NPAS3: variants seen among roughly 807,000 people sequenced by gnomAD.
NPAS3 encodes neuronal PAS domain protein 3, also known as neuronal PAS domain-containing protein 3.
Under a neutral mutation model 73.1 loss-of-function variants are expected in NPAS3, and 14 were observed. The observed-to-expected ratio is 0.19, with a 90% CI of 0.13 to 0.30. The LOEUF (loss-of-function observed/expected upper bound fraction) is 0.30. Ranked by LOEUF, NPAS3 falls within the 10% of genes least tolerant of loss-of-function variation. The pLI is 1.00. For synonymous variants in NPAS3, 620 were observed against 541.5 expected, an observed-to-expected ratio of 1.14 and a Z score of -2.01; for missense variants, 1,096 against 1,250.0, an observed-to-expected ratio of 0.88 and a Z score of 1.86.
At chr14:33,347,503 A>C (rs192064064) in intron 3 of NPAS3, among the ~76,000 whole-genome samples, 1 of 152,264 alleles carries the variant, frequency 6.6e-6, no homozygotes, top group Non-Finnish European at 1.5e-5. Flanking sequence ...TTTTCCAACT[A>C]TTCATTGCCG....
chr14:33,517,774 C>T (rs1368143488), intron 4 of NPAS3, among the ~76,000 whole-genome samples: 1 of 152,092 alleles, frequency 6.6e-6, no homozygotes, highest in Non-Finnish European at 1.5e-5. Flanking sequence ...CATCTAGTTC[C>T]CGCCCCCAGG....
rs550194868 is a variant in NPAS3 at position 33,471,358 on chromosome 14, A to G, written c.469-88763A>G. Reference sequence around the variant, plus strand: ...TTCAGTTACACCAAACTTTCTGACCAATAGATTGAAAGCAAGGTTTCCCTT... The same window carrying G: ...TTCAGTTACACCAAACTTTCTGACCGATAGATTGAAAGCAAGGTTTCCCTT... On this transcript the variant is annotated intron_variant, in intron 4 of 11. Coordinates refer to ENST00000356141, the Ensembl canonical transcript of NPAS3. Among the ~76,000 whole-genome samples, 14 of 152,308 alleles carry G rather than the reference A, an allele frequency of 9.2e-5. No individual in the cohort carries two copies. The South Asian group carries it at 2.9e-3, about 32-fold the overall frequency.
chr14:33,194,757 G>A (rs1359609549), intron 2 of NPAS3, among the ~76,000 whole-genome samples: 1 of 152,118 alleles, frequency 6.6e-6, no homozygotes, highest in African/African-American at 2.4e-5. Flanking sequence ...TCACTTGGTG[G>A]AATGTGGATG....
intron 7 of NPAS3, among the ~76,000 whole-genome samples, chr14:33,737,490 C>G (rs1470932843): frequency 1.3e-5 from 2 of 152,026 alleles, no homozygotes; most frequent in Non-Finnish European, 2.9e-5. Flanking sequence ...CCTGACATAC[C>G]CTGTCAGCAG....
chr14:33,661,964 A>G (rs2059321479), intron 5 of NPAS3, among the ~76,000 whole-genome samples: 1 of 152,182 alleles, frequency 6.6e-6, no homozygotes, highest in African/African-American at 2.4e-5. Context: ...GGTTTGGTAA[A>G]ACTGGAAGGT....
chr14:33,536,787 A>T (rs2054278459), intron 4 of NPAS3, among the ~76,000 whole-genome samples: 1 of 152,194 alleles, frequency 6.6e-6, no homozygotes, highest in South Asian at 2.1e-4. Flanking sequence ...AAGTTTTTCT[A>T]TGTTTACCAA....
intron 3 of NPAS3, among the ~76,000 whole-genome samples, chr14:33,330,428 G>T (rs1022536872): frequency 3.9e-5 from 6 of 152,260 alleles, no homozygotes; most frequent in African/African-American, 1.4e-4. Context: ...TTACAGAGCT[G>T]TTGTGAGGAT....
At chr14:33,736,624 C>T (rs951797451) in intron 7 of NPAS3, among the ~76,000 whole-genome samples, 2 of 152,274 alleles carry the variant, frequency 1.3e-5, no homozygotes, top group South Asian at 2.1e-4. Context: ...GTTCTATAAG[C>T]AGACCACAGA....
chr14:33,529,182 A>C (rs1452621717), intron 4 of NPAS3, among the ~76,000 whole-genome samples: 2 of 152,150 alleles, frequency 1.3e-5, no homozygotes, highest in Non-Finnish European at 2.9e-5. Flanking sequence ...CTGTAGAGTC[A>C]TGACAGTCCT....
intron 4 of NPAS3, among the ~76,000 whole-genome samples, chr14:33,415,780 A>G (rs1178191262): frequency 6.6e-6 from 1 of 152,074 alleles, no homozygotes; most frequent in Non-Finnish European, 1.5e-5. Context: ...CAGGCAATTC[A>G]TTTCTATCCT....
At chr14:33,279,555 C>T (rs963002678) in intron 3 of NPAS3, among the ~76,000 whole-genome samples, 3 of 152,206 alleles carry the variant, frequency 2.0e-5, no homozygotes, top group Admixed American at 1.3e-4. Context: ...TGATGTTACC[C>T]GGGAGCTTGT....
At chr14:33,513,775 G>GT (rs139828883) in intron 4 of NPAS3, among the ~76,000 whole-genome samples, 9,767 of 152,008 alleles carry the variant, frequency 0.064, 331 homozygotes, top group Non-Finnish European at 0.073. Context: ...TTGCTGCAGA[G>GT]TTTTTTTGAC....
At chr14:33,582,938 C>T (rs985035109) in intron 5 of NPAS3, among the ~76,000 whole-genome samples, 6 of 143,448 alleles carry the variant, frequency 4.2e-5, no homozygotes, top group South Asian at 2.2e-4. Context: ...TTCTTCACCT[C>T]ACTACTTCCT....
rs555374984 is a variant in NPAS3, at chr14:33,209,739, A to G, written c.141-5443A>G. Reference sequence around the variant, plus strand: ...CTGTCTGGCTCCTTAGAAGTACTTTAAAAAGGTAAAATTTAAAATGGTTTT... The same window carrying G: ...CTGTCTGGCTCCTTAGAAGTACTTTGAAAAGGTAAAATTTAAAATGGTTTT... On this transcript the variant is annotated intron_variant, in intron 2 of 11. Coordinates refer to ENST00000356141, the Ensembl canonical transcript of NPAS3. 4.6e-5 allele frequency among the ~76,000 whole-genome samples: 7 copies of G among 152,324 alleles called. No individual in the cohort carries two copies. In the South Asian group the frequency reaches 8.3e-4, roughly 18 times the overall value.
chr14:32,990,050 G>A (rs185797653), intron 1 of NPAS3, among the ~76,000 whole-genome samples: 3 of 152,272 alleles, frequency 2.0e-5, no homozygotes, highest in South Asian at 4.2e-4. Flanking sequence ...CAAAGGTTGG[G>A]TTCTACTCAG....
chr14:33,145,327 T>C (rs1285757975), intron 2 of NPAS3, among the ~76,000 whole-genome samples: 2 of 152,166 alleles, frequency 1.3e-5, no homozygotes, highest in Non-Finnish European at 2.9e-5. Flanking sequence ...CTGGAAGAAG[T>C]GATAGGCCGG....
At chr14:33,090,579 G>C (rs1220476380) in intron 2 of NPAS3, among the ~76,000 whole-genome samples, 1 of 152,110 alleles carries the variant, frequency 6.6e-6, no homozygotes. Context: ...GTCAACATTA[G>C]ACAGATCAAC....
intron 6 of NPAS3, chr14:33,680,543 T>C (rs2059905309): frequency 1.4e-6 from 1 of 701,166 alleles, no homozygotes; most frequent in Non-Finnish European, 2.6e-6. Context: ...CATATACTTC[T>C]GGTAACTAGC....
intron 1 of NPAS3, among the ~76,000 whole-genome samples, chr14:32,966,320 C>CCAAA (rs768256363): frequency 8.6e-5 from 13 of 152,044 alleles, no homozygotes; most frequent in Non-Finnish European, 1.5e-4. Flanking sequence ...AGAGTAGTAA[C>CCAAA]CAAACACTGT....
Sources: gnomAD v4.1 joint callset for allele counts (sites outside exome capture counted in the v4.1 genomes callset) on GRCh38, gnomAD v4.1.1 for gene constraint, MANE v1.5 for transcripts, NCBI Gene and HGNC (gene_info 2026-07-23, HGNC 2026-07-21) for gene names.